ECHDC3: variants seen among roughly 807,000 people sequenced by gnomAD.
ECHDC3 encodes enoyl-CoA hydratase domain-containing protein 3, mitochondrial.
A neutral mutation model predicts 17.9 loss-of-function variants in ECHDC3; 20 were observed. The ratio of observed to expected loss-of-function variants is 1.12; its 90% CI spans 0.79 to 1.63. The LOEUF (loss-of-function observed/expected upper bound fraction) is 1.63. Ranked by LOEUF, ECHDC3 falls within the 40% of genes most tolerant of loss-of-function variation. The probability of loss-of-function intolerance (pLI) is 0.00; values close to 1 mark genes in which losing one functional copy is unlikely to be tolerated. For missense variants in ECHDC3, 407 were observed against 357.7 expected, an observed-to-expected ratio of 1.14 and a Z score of -1.11; for synonymous variants, 177 against 149.7, an observed-to-expected ratio of 1.18 and a Z score of -1.33.
chr10:11,749,149 A>G (rs931471040), intron 2 of ECHDC3, among the ~76,000 whole-genome samples: 3 of 152,182 alleles, frequency 2.0e-5, no homozygotes, highest in Admixed American at 1.3e-4. Flanking sequence ...GTGTGACTCA[A>G]TACACTCAGG....
At position 11,763,299 on chromosome 10, in the gene ECHDC3, G is replaced by A. The variant is rs375091889; in HGVS notation, c.667G>A (p.Val223Met). 85 of 780,212 alleles carry A rather than the reference G, an allele frequency of 1.1e-4. No homozygotes were observed. Among genetic ancestry groups the A allele is most frequent in the Non-Finnish European group, 1.8e-4 (76 of 418,114 alleles). The allele number at this position is 780,212 out of a possible 1,614,324, so 48.3% of individuals were successfully genotyped here. A position where few individuals can be genotyped will look rare whatever the true frequency, so the allele number is the denominator to read the frequency against. ...EALLHGLLSK[V>M]VPEAELQEET... ...CCTGCTCCACGGGCTGCTTAGCAAG[G>A]TGGTGCCAGAGGCGGAGCTGCAGGA... The change falls in exon 5 of 5, where the codon GTG (valine) becomes ATG (methionine). Residue 223 changes from valine (V) to methionine (M), a missense_variant. Coordinates refer to ENST00000379215, the MANE Select transcript of ECHDC3 (RefSeq NM_024693.5). This position sits in a 1 kb window ranked among gnomAD's most constrained non-coding sequence, Gnocchi z 4.9.
chr10:11,751,640 A>G (rs946160765), intron 3 of ECHDC3, among the ~76,000 whole-genome samples: 1 of 152,244 alleles, frequency 6.6e-6, no homozygotes, highest in Admixed American at 6.5e-5. Context: ...CAAGTACTGC[A>G]TGATAGTTAA....
At chr10:11,745,060 G>A (rs1400559344) in intron 1 of ECHDC3, among the ~76,000 whole-genome samples, 1 of 152,224 alleles carries the variant, frequency 6.6e-6, no homozygotes, top group African/African-American at 2.4e-5. Context: ...AACCAGGAGA[G>A]AAGAAATCTG....
intron 1 of ECHDC3, among the ~76,000 whole-genome samples, chr10:11,743,405 G>A (rs909180868): frequency 2.2e-4 from 33 of 152,248 alleles, no homozygotes; most frequent in African/African-American, 7.5e-4. Context: ...CTAGAAGGCC[G>A]CCTGTGAACT....
In ECHDC3 at chr10:11,750,925, A is replaced by G. The variant is rs145559805; in HGVS notation, c.390+1333A>G. 6.3e-3 allele frequency among the ~76,000 whole-genome samples: 967 copies of G among 152,328 alleles called. 7 individuals carry two copies. The highest frequency in any genetic ancestry group is 0.022 in the African/African-American group (895 of 41,552). ...TTTCCTTGCCCTTCCAGAAACCCAT[A>G]AAGAGATCAGGTTATATTTTTGTCA... On this transcript the variant is annotated intron_variant, in intron 3 of 4. Transcript: ENST00000379215.
chr10:11,743,862 G>A (rs1832723881), intron 1 of ECHDC3, among the ~76,000 whole-genome samples: 1 of 152,238 alleles, frequency 6.6e-6, no homozygotes, highest in Admixed American at 6.5e-5. Context: ...ATGGCAAAAA[G>A]GAGGCCGGTC....
Position 11,763,843 on chromosome 10 carries a change from A to G in ECHDC3, c.*299A>G, listed in dbSNP as rs1214015417. 2 of 1,106,958 alleles carry G rather than the reference A, an allele frequency of 1.8e-6. No individual in the cohort carries two copies. The highest frequency in any genetic ancestry group is 6.3e-5 in the East Asian group (1 of 15,822). The allele number at this position is 1,106,958 out of a possible 1,614,324, so 68.6% of individuals were successfully genotyped here. The stretch of plus-strand genomic sequence containing the variant: ...CGTCTTAAGCAAGCGACCCCCCGAC[A>G]TAGCAAAAGGTGGCAACCCATGGAG... On this transcript the variant is annotated 3_prime_UTR_variant, in exon 5 of 5. Transcript: ENST00000379215. This position sits in a 1 kb window ranked among gnomAD's most constrained non-coding sequence, Gnocchi z 4.9.
intron 2 of ECHDC3, 38 bp from the exon 3 acceptor site, chr10:11,749,457 T>C: frequency 6.2e-7 from 1 of 1,609,134 alleles, no homozygotes; most frequent in Non-Finnish European, 8.5e-7. Flanking sequence ...GGTGTTTACA[T>C]CTTTTTGTTT....
Position 11,742,658 on chromosome 10 carries a change from G to T in ECHDC3, c.82G>T (p.Ala28Ser). Residue 28 changes from alanine to serine, a missense_variant, in exon 1 of 5, where the codon GCC becomes TCC. Physicochemically the swap from Ala to Ser is moderately conservative, Grantham distance 99. Transcript: ENST00000379215. ...LRRGPWAQLP[A>S]RFCSRDPAGA... ...GCGCGGCCCCTGGGCCCAGCTCCCC[G>T]CCCGCTTCTGCAGCCGGGACCCGGC... 1 of 1,250,292 alleles carries T rather than the reference G, an allele frequency of 8.0e-7. No homozygotes were observed. The highest frequency in any genetic ancestry group is 3.2e-5 in the South Asian group (1 of 31,356). The allele number at this position is 1,250,292 out of a possible 1,614,324, so 77.4% of individuals were successfully genotyped here.
rs1832971242 is a variant in ECHDC3 at position 11,763,028 on chromosome 10, C to G, written c.592-196C>G. On this transcript the variant is annotated intron_variant, in intron 4 of 4. Transcript: ENST00000379215. The surrounding 1 kb of genome is among the most constrained non-coding windows in gnomAD (Gnocchi z 4.9). The stretch of plus-strand genomic sequence containing the variant: ...AAGAGAACACGGGACAGCCACTGCT[C>G]CCCTGGGCCTGGTGTGGTTTCTTCG... Among the ~76,000 whole-genome samples the G allele has an allele frequency of 6.6e-6, 1 of 152,160 alleles. No homozygotes were observed. Among genetic ancestry groups the G allele is most frequent in the Non-Finnish European group, 1.5e-5 (1 of 68,036 alleles).
intron 1 of ECHDC3, among the ~76,000 whole-genome samples, chr10:11,743,850 A>G (rs531076234): frequency 1.1e-4 from 17 of 152,388 alleles, no homozygotes; most frequent in Non-Finnish European, 2.2e-4. Context: ...CATGGCGGCC[A>G]GATGGCAAAA....
intron 3 of ECHDC3, among the ~76,000 whole-genome samples, chr10:11,754,239 T>C (rs188718197): frequency 1.2e-4 from 19 of 152,318 alleles, no homozygotes; most frequent in Admixed American, 1.2e-3. Flanking sequence ...AAAGATAAGC[T>C]TCTTAGACAA....
At chr10:11,748,753 G>A (rs980639723) in intron 2 of ECHDC3, among the ~76,000 whole-genome samples, 2 of 152,124 alleles carry the variant, frequency 1.3e-5, no homozygotes, top group African/African-American at 4.8e-5. Context: ...GGGCGTGGGG[G>A]CAGGCACCTG....
intron 3 of ECHDC3, among the ~76,000 whole-genome samples, chr10:11,752,433 A>T (rs531411561): frequency 3.2e-4 from 49 of 152,030 alleles, no homozygotes; most frequent in South Asian, 1.5e-3. Flanking sequence ...AATAGTCTTA[A>T]TCATGAAAGT....
chr10:11,755,323 CAAAAAAA>C (rs35696123), intron 3 of ECHDC3, 78 bp from the exon 4 acceptor site: 445 of 783,460 alleles, frequency 5.7e-4, no homozygotes, highest in East Asian at 9.6e-4. Context: ...GAGACTCTGT[CAAAAAAA>C]AAAAAAAAAA....
intron 4 of ECHDC3, among the ~76,000 whole-genome samples, chr10:11,758,621 A>G (rs1224943500): frequency 2.6e-5 from 4 of 152,196 alleles, no homozygotes; most frequent in African/African-American, 9.7e-5. Context: ...GAAGTTTTAG[A>G]GGACGCACAG....
intron 3 of ECHDC3, among the ~76,000 whole-genome samples, chr10:11,750,397 A>G (rs373168697): frequency 5.3e-5 from 8 of 152,378 alleles, no homozygotes; most frequent in Middle Eastern, 3.4e-3. Context: ...TCTTTCAACC[A>G]GCCTTTATAA....
chr10:11,742,383 TAGTACGGACTGGGCCTG>T lies in ECHDC3; in HGVS notation c.-193_-177del. The T allele has an allele frequency of 4.5e-6, 1 of 222,624 alleles. No individual in the cohort carries two copies. Among genetic ancestry groups the T allele is most frequent in the African/African-American group, 5.4e-5 (1 of 18,466 alleles). 13.8% of individuals were successfully genotyped at this position (222,624 alleles called of 1,614,324 possible). ...GGGCGGGGCGTGCCGGGGCGGGGCG[TAGTACGGACTGGGCCTG>T]GCCTGGGGCGTCCCCGCGAAGCCTG... On this transcript the variant is annotated 5_prime_UTR_variant, in exon 1 of 5. Coordinates refer to ENST00000379215, the MANE Select transcript of ECHDC3 (RefSeq NM_024693.5).
chr10:11,756,334 C>A (rs1466665052), intron 4 of ECHDC3, among the ~76,000 whole-genome samples: 33 of 152,166 alleles, frequency 2.2e-4, no homozygotes. Flanking sequence ...AAAAGTGCAT[C>A]CTTGTTCTTA....
Sources: allele counts gnomAD v4.1 joint callset (sites outside exome capture counted in the v4.1 genomes callset), GRCh38; gene constraint gnomAD v4.1.1; non-coding constraint Gnocchi (gnomAD v3.1); transcripts MANE v1.5; gene names NCBI Gene and HGNC (gene_info 2026-07-23, HGNC 2026-07-21).